Variants in SLC25A42 observed in about 807,000 individuals in gnomAD.
SLC25A42 encodes the protein solute carrier family 25 member 42.
A neutral mutation model predicts 34.7 loss-of-function variants in SLC25A42; 19 were observed. That is an observed-to-expected ratio of 0.55 (90% confidence interval 0.38 to 0.80). The LOEUF (loss-of-function observed/expected upper bound fraction) is 0.80. SLC25A42 is among the 30% of genes least tolerant of loss of function. The pLI, the probability that SLC25A42 is intolerant of heterozygous loss-of-function variation, is 0.00. For synonymous variants in SLC25A42, 205 were observed against 191.2 expected (o/e 1.07, Z -0.59); for missense variants, 364 against 441.3 (o/e 0.82, Z 1.57).
At chr19:19,083,966 A>C (rs1324473144) in intron 1 of SLC25A42, among the ~76,000 whole-genome samples, 33 of 129,538 alleles carry the variant, frequency 2.5e-4, no homozygotes, top group Admixed American at 6.5e-4. Context: ...GTGCCCCTGC[A>C]GGCACCTTCA....
intron 1 of SLC25A42, among the ~76,000 whole-genome samples, chr19:19,068,654 C>T (rs2059614256): frequency 1.3e-5 from 2 of 148,536 alleles, no homozygotes; most frequent in Admixed American, 1.3e-4. Flanking sequence ...GGCAACAGGG[C>T]AAGACTCTGT....
chr19:19,097,860 G>A (rs148975492), intron 2 of SLC25A42, among the ~76,000 whole-genome samples: 3 of 152,232 alleles, frequency 2.0e-5, no homozygotes, highest in Non-Finnish European at 4.4e-5. Context: ...CTCCGCATGA[G>A]GTTGAAGTGG....
In SLC25A42 at chr19:19,110,574, A is replaced by G. The variant is rs1055727120; in HGVS notation, c.655A>G (p.Ser219Gly). The G allele has an allele frequency of 2.1e-4, 304 of 1,432,536 alleles. 1 individual carries two copies. Among genetic ancestry groups the G allele is most frequent in the Non-Finnish European group, 2.5e-4 (280 of 1,100,792 alleles). The allele number at this position is 1,432,536 out of a possible 1,614,324, so 88.7% of individuals were successfully genotyped here. A position where few individuals can be genotyped will look rare whatever the true frequency, so the allele number is the denominator to read the frequency against. Residue 219 changes from serine (S) to glycine (G), a missense_variant, in exon 8 of 8, where the codon AGC becomes GGC. Coordinates refer to ENST00000318596, the MANE Select transcript of SLC25A42 (RefSeq NM_178526.5). ...TCCCGCCCCTCGCCCTGCAGAGTAC[A>G]GCGGCCGCCGGCAGCCCTACCCCTT... ...ETLKSLHREY[S>G]GRRQPYPFER...
chr19:19,081,123 A>C lies in SLC25A42; in HGVS notation c.-34-14968A>C, dbSNP rs536424430. Among the ~76,000 whole-genome samples, 24 of 152,058 alleles carry C rather than the reference A, an allele frequency of 1.6e-4. No individual in the cohort carries two copies. The highest frequency in any genetic ancestry group is 2.2e-4 in the Non-Finnish European group (15 of 68,020). On this transcript the variant is annotated intron_variant, in intron 1 of 7. Coordinates refer to ENST00000318596, the MANE Select transcript of SLC25A42 (RefSeq NM_178526.5). This position sits in a 1 kb window ranked among gnomAD's most constrained non-coding sequence, Gnocchi z 4.5. ...AGAGTGAGACCCTGAAAAAATAAAA[A>C]AAAGAAGAAAGAAAGAATAAAGAAA...
chr19:19,110,943 T>TG lies in SLC25A42; in HGVS notation c.*74dup, dbSNP rs554978947. ...TTTGTATTCTGGGCCCATGGAACGG[T>TG]GGGGGGGTGCGCTTGATTCTACTTC... On this transcript the variant is annotated 3_prime_UTR_variant, in exon 8 of 8. Transcript: ENST00000318596. 5.3e-4 allele frequency: 825 copies of TG among 1,557,314 alleles called. 7 individuals carry two copies. The South Asian group carries it at 6.6e-3, about 12-fold the overall frequency.
intron 1 of SLC25A42, among the ~76,000 whole-genome samples, chr19:19,075,439 C>A (rs1401487498): frequency 1.3e-5 from 2 of 152,176 alleles, no homozygotes; most frequent in Non-Finnish European, 2.9e-5. Context: ...TTGGGGCTGG[C>A]CCCCCTCTGC....
intron 1 of SLC25A42, among the ~76,000 whole-genome samples, chr19:19,069,462 C>T (rs1021858488): frequency 3.9e-5 from 6 of 152,160 alleles, no homozygotes; most frequent in African/African-American, 7.2e-5. Context: ...TGTATCCTGT[C>T]GTAGTTGTGG....
chr19:19,081,957 T>G lies in SLC25A42; in HGVS notation c.-34-14134T>G, dbSNP rs2059683850. ...TGATCACCTGGTCACTGGTCGCAAGTCTGGGTACACGTTGTCATGGGAGTG... is the reference window on the plus strand; with the variant it reads ...TGATCACCTGGTCACTGGTCGCAAGGCTGGGTACACGTTGTCATGGGAGTG... On this transcript the variant is annotated intron_variant, in intron 1 of 7. Coordinates refer to ENST00000318596, the MANE Select transcript of SLC25A42 (RefSeq NM_178526.5). The surrounding 1 kb of genome is among the most constrained non-coding windows in gnomAD (Gnocchi z 4.5). Among the ~76,000 whole-genome samples, 1 of 152,188 alleles carries G rather than the reference T, an allele frequency of 6.6e-6. No individual in the cohort carries two copies. Among genetic ancestry groups the G allele is most frequent in the Non-Finnish European group, 1.5e-5 (1 of 68,024 alleles).
intron 1 of SLC25A42, among the ~76,000 whole-genome samples, chr19:19,085,118 T>C (rs1486757534): frequency 6.6e-6 from 1 of 152,090 alleles, no homozygotes; most frequent in Non-Finnish European, 1.5e-5. Context: ...CAAACTTCCC[T>C]GAGTTTCATC....
intron 1 of SLC25A42, among the ~76,000 whole-genome samples, chr19:19,092,840 C>T (rs1055107242): frequency 7.2e-5 from 11 of 152,130 alleles, no homozygotes; most frequent in African/African-American, 2.7e-4. Flanking sequence ...CAAGGACAGC[C>T]CCCAGGGTCT....
intron 7 of SLC25A42, among the ~76,000 whole-genome samples, chr19:19,110,082 C>T (rs2059854598): frequency 6.6e-6 from 1 of 152,100 alleles, no homozygotes; most frequent in Non-Finnish European, 1.5e-5. Flanking sequence ...CTCGGTGGCT[C>T]ATGTCTGTAA....
In SLC25A42 at chr19:19,099,711, G is replaced by C. The variant is rs761432950; in HGVS notation, c.82-2070G>C. Among the ~76,000 whole-genome samples the C allele has an allele frequency of 9.4e-4, 143 of 151,950 alleles. 7 individuals are homozygous for C. Among genetic ancestry groups the C allele is most frequent in the Middle Eastern group, 3.2e-3 (1 of 316 alleles). ...TCTATCCTGGGTTTCTGCAGGAGCC[G>C]CTTCTACCCTGGTCACATTTTTATT... On this transcript the variant is annotated intron_variant, in intron 2 of 7. Transcript: ENST00000318596.
intron 7 of SLC25A42, 66 bp downstream of exon 7, chr19:19,108,111 C>A (rs1599692743): frequency 2.6e-6 from 4 of 1,510,418 alleles, no homozygotes; most frequent in Middle Eastern, 3.7e-4. Context: ...AGCAGCTCCA[C>A]CTGGGTCACA....
intron 2 of SLC25A42, among the ~76,000 whole-genome samples, chr19:19,100,955 G>A (rs2059793246): frequency 6.6e-6 from 1 of 152,176 alleles, no homozygotes; most frequent in African/African-American, 2.4e-5. Flanking sequence ...GAGTCCACTG[G>A]GGAAATGGAA....
intron 7 of SLC25A42, among the ~76,000 whole-genome samples, chr19:19,108,482 A>C (rs1328402075): frequency 2.6e-5 from 4 of 152,036 alleles, no homozygotes; most frequent in African/African-American, 9.7e-5. Flanking sequence ...CTGGGAGGTC[A>C]AGGCCGCAGT....
At chr19:19,105,847 C>A in intron 5 of SLC25A42, 120 bp downstream of exon 5, 1 of 901,466 alleles carries the variant, frequency 1.1e-6, no homozygotes, top group Non-Finnish European at 1.6e-6. Flanking sequence ...CTTCCCTCTT[C>A]CCACAACGAA....
At chr19:19,106,420 G>T (rs2059828664) in intron 6 of SLC25A42, 35 bp downstream of exon 6, 2 of 1,542,240 alleles carry the variant, frequency 1.3e-6, no homozygotes, top group Non-Finnish European at 1.8e-6. Context: ...CATCAGCCCC[G>T]GGGGCTCTGT....
intron 6 of SLC25A42, among the ~76,000 whole-genome samples, chr19:19,107,409 G>T (rs932133253): frequency 6.6e-6 from 1 of 152,094 alleles, no homozygotes; most frequent in African/African-American, 2.4e-5. Context: ...GGGGTGGGTG[G>T]ATCACCTGAG....
At position 19,096,081 on chromosome 19, in the gene SLC25A42, AC is replaced by A. The variant is rs752877673; in HGVS notation, c.-34-3del. The A allele has an allele frequency of 5.3e-5, 82 of 1,552,950 alleles. No homozygotes were observed. Among genetic ancestry groups the A allele is most frequent in the Non-Finnish European group, 6.2e-5 (70 of 1,127,862 alleles). On this transcript the variant is annotated splice_polypyrimidine_tract_variant and intron_variant, in intron 1 of 7. Transcript: ENST00000318596. ...TCGCCGTATCTTACCACCTCCCCTT[AC>A]CCCCCCAGGACCGAGTCTCCTGCCA...
Sources: gnomAD v4.1 joint callset for allele counts (sites outside exome capture counted in the v4.1 genomes callset) on GRCh38, gnomAD v4.1.1 for gene constraint, Gnocchi (gnomAD v3.1) non-coding constraint, MANE v1.5 for transcripts, NCBI Gene and HGNC (gene_info 2026-07-23, HGNC 2026-07-21) for gene names.